The following PLXDC2 variants were observed in gnomAD, a reference collection of about 807,000 sequenced individuals.
PLXDC2 encodes the protein plexin domain-containing protein 2.
PLXDC2 carries 40 observed loss-of-function variants against 68.9 expected under a neutral mutation model. The observed-to-expected ratio is 0.58, with a 90% CI of 0.45 to 0.76. The LOEUF (loss-of-function observed/expected upper bound fraction) is 0.76. Among genes scored for constraint, PLXDC2 ranks in the 30% least tolerant of loss-of-function variants. The pLI is 0.00. For synonymous variants in PLXDC2, 243 were observed against 234.2 expected, an observed-to-expected ratio of 1.04 and a Z score of -0.34; for missense variants, 644 against 661.9, an observed-to-expected ratio of 0.97 and a Z score of 0.30.
intron 2 of PLXDC2, among the ~76,000 whole-genome samples, chr10:20,035,110 T>C (rs1194547742): frequency 6.6e-6 from 1 of 152,372 alleles, no homozygotes; most frequent in South Asian, 2.1e-4. Context: ...CTGGTTTTAT[T>C]CTAACTTCCG....
chr10:20,178,525 C>T (rs1012395982), intron 9 of PLXDC2, among the ~76,000 whole-genome samples: 1 of 152,026 alleles, frequency 6.6e-6, no homozygotes, highest in Non-Finnish European at 1.5e-5. Flanking sequence ...TGTTTCTTTC[C>T]CCAGGAGGGA....
chr10:20,021,673 T>A (rs200759870), intron 2 of PLXDC2, among the ~76,000 whole-genome samples: 5 of 117,800 alleles, frequency 4.2e-5, no homozygotes, highest in Non-Finnish European at 8.7e-5. Flanking sequence ...GTCACATTTT[T>A]TTTTATTATT....
chr10:19,917,217 A>C (rs768962248), intron 1 of PLXDC2, among the ~76,000 whole-genome samples: 1 of 152,086 alleles, frequency 6.6e-6, no homozygotes. Flanking sequence ...GAACATTTTC[A>C]TGGTGACTTG....
chr10:20,256,019 T>C (rs954231259), intron 13 of PLXDC2, among the ~76,000 whole-genome samples: 1 of 152,124 alleles, frequency 6.6e-6, no homozygotes, highest in Non-Finnish European at 1.5e-5. Flanking sequence ...TTTCAGCTAA[T>C]TACTACATTT....
intron 9 of PLXDC2, among the ~76,000 whole-genome samples, chr10:20,209,627 G>C (rs1327869341): frequency 6.6e-6 from 1 of 152,134 alleles, no homozygotes; most frequent in Non-Finnish European, 1.5e-5. Context: ...CTCACCAGCA[G>C]TCAGAGTTTA....
chr10:20,114,834 C>G (rs1394586157), intron 4 of PLXDC2, among the ~76,000 whole-genome samples: 2 of 152,076 alleles, frequency 1.3e-5, no homozygotes, highest in Non-Finnish European at 2.9e-5. Context: ...CAGGCAGTGA[C>G]CAGACCAGGG....
chr10:20,010,197 T>G (rs1369110406), intron 2 of PLXDC2, among the ~76,000 whole-genome samples: 8 of 152,182 alleles, frequency 5.3e-5, no homozygotes. Context: ...GGGTTGAGAA[T>G]CGGCCTTGTT....
intron 1 of PLXDC2, among the ~76,000 whole-genome samples, chr10:19,924,839 T>A (rs1833512654): frequency 6.6e-6 from 1 of 152,180 alleles, no homozygotes; most frequent in African/African-American, 2.4e-5. Flanking sequence ...GTAATAAAGG[T>A]GACAGGTTAG....
intron 4 of PLXDC2, among the ~76,000 whole-genome samples, chr10:20,105,485 TTGTTC>T (rs1242588925): frequency 8.2e-6 from 1 of 121,350 alleles, no homozygotes; most frequent in Non-Finnish European, 1.5e-5. Flanking sequence ...AAGCAAATAT[TTGTTC>T]GTTCTTATTT....
chr10:20,019,418 A>T (rs937853820), intron 2 of PLXDC2, among the ~76,000 whole-genome samples: 2 of 152,124 alleles, frequency 1.3e-5, no homozygotes, highest in African/African-American at 4.8e-5. Context: ...CCGACATTGC[A>T]CCTTTTCTGC....
intron 4 of PLXDC2, among the ~76,000 whole-genome samples, chr10:20,068,924 G>A (rs1205547637): frequency 1.1e-4 from 16 of 152,176 alleles, no homozygotes; most frequent in African/African-American, 2.6e-4. Context: ...TACTAGAAGC[G>A]ATAAGGAAAA....
At chr10:19,958,652 T>A (rs1834108235) in intron 1 of PLXDC2, among the ~76,000 whole-genome samples, 1 of 152,184 alleles carries the variant, frequency 6.6e-6, no homozygotes, top group Admixed American at 6.5e-5. Flanking sequence ...TACTTGAAGT[T>A]ACTTCCAAAG....
At chr10:20,099,700 A>T (rs769251077) in intron 4 of PLXDC2, among the ~76,000 whole-genome samples, 36 of 152,208 alleles carry the variant, frequency 2.4e-4, no homozygotes, top group African/African-American at 8.4e-4. Flanking sequence ...TTCTCACTTG[A>T]AAAGATCTGC....
At chr10:20,064,861 G>A (rs1440441512) in intron 3 of PLXDC2, among the ~76,000 whole-genome samples, 5 of 151,092 alleles carry the variant, frequency 3.3e-5, no homozygotes, top group South Asian at 2.1e-4. Context: ...AAATGATTCC[G>A]GGCATGTTTT....
At chr10:20,068,084 A>T in intron 3 of PLXDC2, 86 bp from the exon 4 acceptor site, 1 of 1,150,850 alleles carries the variant, frequency 8.7e-7, no homozygotes, top group Non-Finnish European at 1.3e-6. Context: ...TAGAAGCATC[A>T]TTTTTGTTTT....
chr10:20,049,460 C>A (rs1394297631), intron 3 of PLXDC2, among the ~76,000 whole-genome samples: 1 of 151,928 alleles, frequency 6.6e-6, no homozygotes, highest in Non-Finnish European at 1.5e-5. Context: ...TCTAGAGAAC[C>A]CCATAGTCTA....
chr10:20,155,672 G>T (rs1834207159), intron 6 of PLXDC2, among the ~76,000 whole-genome samples: 1 of 151,998 alleles, frequency 6.6e-6, no homozygotes, highest in African/African-American at 2.4e-5. Flanking sequence ...ATTTGTATTT[G>T]TAGAGATATT....
chr10:19,960,884 C>T (rs1834144926), intron 1 of PLXDC2, among the ~76,000 whole-genome samples: 1 of 152,132 alleles, frequency 6.6e-6, no homozygotes, highest in Non-Finnish European at 1.5e-5. Flanking sequence ...AGCTTGCTGT[C>T]CCTGGAAACT....
At chr10:20,170,922 T>A (rs1291189039) in intron 7 of PLXDC2, among the ~76,000 whole-genome samples, 1 of 151,968 alleles carries the variant, frequency 6.6e-6, no homozygotes, top group African/African-American at 2.4e-5. Flanking sequence ...ATTATTCTTA[T>A]TTCTTCTTTG....
Sources: allele counts gnomAD v4.1 joint callset (sites outside exome capture counted in the v4.1 genomes callset), GRCh38; gene constraint gnomAD v4.1.1; transcripts MANE v1.5; gene names NCBI Gene and HGNC (gene_info 2026-07-23, HGNC 2026-07-21).